Variants in TPTE observed in about 807,000 individuals in gnomAD.
TPTE encodes transmembrane phosphatase with tensin homology.
Under a neutral mutation model 84.1 loss-of-function variants are expected in TPTE, and 59 were observed. That is an observed-to-expected ratio of 0.70 (90% CI 0.57 to 0.87). The LOEUF (loss-of-function observed/expected upper bound fraction) is 0.87, where lower values mean the gene tolerates loss of function less well. TPTE is among the 40% of genes least tolerant of loss of function. The pLI is 0.00. For missense variants in TPTE, 382 were observed against 659.6 expected (o/e 0.58, Z 4.61); for synonymous variants, 130 against 223.5 (o/e 0.58, Z 3.73).
intron 21 of TPTE, among the ~76,000 whole-genome samples, chr21:10,598,523 AG>A (rs1175697320): frequency 7.2e-4 from 110 of 152,024 alleles, no homozygotes; most frequent in African/African-American, 2.6e-3. Flanking sequence ...TTACATTCCT[AG>A]GTTGTACCCC....
intron 23 of TPTE, 57 bp downstream of exon 23, chr21:10,603,689 G>T: frequency 6.3e-7 from 1 of 1,581,632 alleles, no homozygotes; most frequent in South Asian, 1.1e-5. Context: ...CTATGTATAA[G>T]GTGTAATGGC....
At chr21:10,553,516 A>G (rs550602404) in intron 8 of TPTE, among the ~76,000 whole-genome samples, 778 of 152,062 alleles carry the variant, frequency 5.1e-3, no homozygotes, top group African/African-American at 0.018. Context: ...CGTTTTCTGT[A>G]ATGGAGCTGC....
At chr21:10,604,851 A>G (rs2145816676) in intron 23 of TPTE, among the ~76,000 whole-genome samples, 1 of 152,426 alleles carries the variant, frequency 6.6e-6, no homozygotes, top group African/African-American at 2.4e-5. Context: ...ATTTAAATTT[A>G]CATCCTACTT....
chr21:10,532,204 A>G (rs2074190652), intron 3 of TPTE, among the ~76,000 whole-genome samples: 1 of 152,306 alleles, frequency 6.6e-6, no homozygotes, highest in South Asian at 2.1e-4. Context: ...TTACTTGAGT[A>G]TTCTATTTCT....
chr21:10,582,213 A>T (rs1042943624), intron 17 of TPTE, among the ~76,000 whole-genome samples: 1 of 152,310 alleles, frequency 6.6e-6, no homozygotes, highest in African/African-American at 2.4e-5. Context: ...ATCTAATTGG[A>T]AGTTGGGGGA....
intron 7 of TPTE, among the ~76,000 whole-genome samples, chr21:10,546,226 A>G (rs2074465256): frequency 1.3e-5 from 2 of 152,306 alleles, no homozygotes; most frequent in Non-Finnish European, 1.5e-5. Flanking sequence ...GTGATATGTG[A>G]TCAGTGATCT....
chr21:10,551,925 T>A (rs2074583307), intron 7 of TPTE, among the ~76,000 whole-genome samples: 2 of 152,306 alleles, frequency 1.3e-5, no homozygotes, highest in Non-Finnish European at 2.9e-5. Flanking sequence ...AAAAAGGCTT[T>A]CAACAAAGTC....
intron 10 of TPTE, among the ~76,000 whole-genome samples, chr21:10,566,139 A>G (rs1215643193): frequency 3.0e-4 from 46 of 152,422 alleles, no homozygotes; most frequent in Non-Finnish European, 6.0e-4. Context: ...CAGAATATGT[A>G]AGGAGCTCAA....
intron 17 of TPTE, among the ~76,000 whole-genome samples, chr21:10,579,973 C>T (rs112936346): frequency 1.6e-3 from 238 of 152,014 alleles, no homozygotes; most frequent in African/African-American, 5.6e-3. Context: ...TACATTCACA[C>T]CAACAGCGTA....
chr21:10,582,786 T>G (rs2075293533), intron 17 of TPTE, among the ~76,000 whole-genome samples: 1 of 152,246 alleles, frequency 6.6e-6, no homozygotes, highest in Non-Finnish European at 1.5e-5. Flanking sequence ...CAGGCTGGAG[T>G]GCAGTGACAT....
chr21:10,544,459 A>G (rs879845486), intron 7 of TPTE, among the ~76,000 whole-genome samples: 1 of 152,310 alleles, frequency 6.6e-6, no homozygotes, highest in African/African-American at 2.4e-5. Context: ...ATCTCGGCTC[A>G]CTGTAACCTC....
intron 7 of TPTE, among the ~76,000 whole-genome samples, chr21:10,545,669 A>ATG (rs1357325034): frequency 6.6e-5 from 10 of 152,164 alleles, no homozygotes; most frequent in South Asian, 2.1e-4. Context: ...ACACATGTAT[A>ATG]TGTGTGTGTG....
chr21:10,545,683 A>G (rs1303021128), intron 7 of TPTE, among the ~76,000 whole-genome samples: 23 of 152,174 alleles, frequency 1.5e-4, no homozygotes, highest in Non-Finnish European at 2.8e-4. Flanking sequence ...GTGTGTGTGT[A>G]TATATACAGA....
intron 23 of TPTE, among the ~76,000 whole-genome samples, 164 bp from the exon 24 acceptor site, chr21:10,605,253 C>T (rs1291222589): frequency 6.6e-6 from 1 of 152,308 alleles, no homozygotes; most frequent in Non-Finnish European, 1.5e-5. Context: ...TTTTATGTCT[C>T]AGTAAAAAGG....
intron 3 of TPTE, among the ~76,000 whole-genome samples, chr21:10,533,869 G>A (rs1269044818): frequency 9.2e-5 from 14 of 152,302 alleles, no homozygotes; most frequent in Admixed American, 2.6e-4. Context: ...CTTTTAGAAC[G>A]AGAACAAGTT....
chr21:10,546,233 A>G (rs1262924116), intron 7 of TPTE, among the ~76,000 whole-genome samples: 1 of 152,306 alleles, frequency 6.6e-6, no homozygotes, highest in African/African-American at 2.4e-5. Context: ...GTGATCAGTG[A>G]TCTTTGATGT....
At chr21:10,554,980 T>A (rs1202430762) in intron 8 of TPTE, among the ~76,000 whole-genome samples, 13 of 152,308 alleles carry the variant, frequency 8.5e-5, no homozygotes. Context: ...GCCACCTCCC[T>A]ACCCCCAGAG....
At chr21:10,526,843 G>C (rs2074087693) in intron 2 of TPTE, among the ~76,000 whole-genome samples, 1 of 152,308 alleles carries the variant, frequency 6.6e-6, no homozygotes, top group Admixed American at 6.5e-5. Flanking sequence ...TTAACTTACA[G>C]ATGAGGAAAT....
At chr21:10,557,042 G>A (rs2074698991) in intron 8 of TPTE, among the ~76,000 whole-genome samples, 1 of 152,308 alleles carries the variant, frequency 6.6e-6, no homozygotes, top group Non-Finnish European at 1.5e-5. Context: ...AAGCTCTTTA[G>A]TTTAATTAGA....
Sources: allele counts gnomAD v4.1 joint callset (sites outside exome capture counted in the v4.1 genomes callset), GRCh38; gene constraint gnomAD v4.1.1; transcripts MANE v1.5; gene names NCBI Gene and HGNC (gene_info 2026-07-23, HGNC 2026-07-21).